The following DEUP1 variants were observed in gnomAD, a reference collection of about 807,000 sequenced individuals.
DEUP1 encodes the protein deuterosome assembly protein 1, also known as coiled-coil domain containing 67.
DEUP1 carries 82 observed loss-of-function variants against 87.4 expected under a neutral mutation model. The ratio of observed to expected loss-of-function variants is 0.94; its 90% CI spans 0.78 to 1.13. The LOEUF (loss-of-function observed/expected upper bound fraction) is 1.13, where lower values mean the gene tolerates loss of function less well. Ranked by LOEUF, DEUP1 falls within the 50% of genes most tolerant of loss-of-function variation. The pLI, the probability that DEUP1 is intolerant of heterozygous loss-of-function variation, is 0.00. For missense variants in DEUP1, 663 were observed against 681.5 expected (o/e 0.97, Z 0.30); for synonymous variants, 214 against 222.7 (o/e 0.96, Z 0.35).
chr11:93,409,173 A>C (rs1384199611), intron 12 of DEUP1, among the ~76,000 whole-genome samples: 1 of 152,164 alleles, frequency 6.6e-6, no homozygotes, highest in African/African-American at 2.4e-5. Context: ...TACACTTTCC[A>C]TTGACATTCT....
intron 3 of DEUP1, among the ~76,000 whole-genome samples, chr11:93,356,412 T>C (rs529982663): frequency 2.0e-5 from 3 of 152,324 alleles, no homozygotes; most frequent in South Asian, 2.1e-4. Context: ...AGCTTTTATA[T>C]GTATACTGAC....
chr11:93,358,449 T>C (rs1254224699), intron 4 of DEUP1, among the ~76,000 whole-genome samples: 1 of 152,126 alleles, frequency 6.6e-6, no homozygotes, highest in Admixed American at 6.5e-5. Flanking sequence ...AAGTTAAGAC[T>C]CCTCCCCTCC....
At chr11:93,379,009 T>G (rs1032887713) in intron 7 of DEUP1, among the ~76,000 whole-genome samples, 19 of 152,208 alleles carry the variant, frequency 1.2e-4, no homozygotes, top group Non-Finnish European at 2.4e-4. Flanking sequence ...TCAGGCTCAT[T>G]TTGCTCTGTT....
intron 9 of DEUP1, 136 bp downstream of exon 9, chr11:93,389,261 C>A (rs1409751558): frequency 3.2e-6 from 2 of 626,456 alleles, no homozygotes; most frequent in Admixed American, 6.8e-5. Context: ...ATCTACCAAG[C>A]TGCTAATTCC....
In DEUP1 at chr11:93,394,498, T is replaced by G. The variant is rs1156524184; in HGVS notation, c.1081T>G (p.Ser361Ala). 3.1e-6 allele frequency: 5 copies of G among 1,602,580 alleles called. No homozygotes were observed. Among genetic ancestry groups the G allele is most frequent in the Non-Finnish European group, 4.3e-6 (5 of 1,174,312 alleles). The change falls in exon 10 of 14, where the codon TCT (serine) becomes GCT (alanine). Residue 361 changes from serine (S) to alanine (A), a missense_variant. By Grantham distance (99) the Ser-to-Ala change is moderately conservative. Coordinates refer to ENST00000298050, the MANE Select transcript of DEUP1 (RefSeq NM_181645.4). ...CCAACAGGTGGAAGAGTACCATAACTCTGAGCAGGAAAGAATGAGGAATGA... is the reference window on the plus strand; with the variant it reads ...CCAACAGGTGGAAGAGTACCATAACGCTGAGCAGGAAAGAATGAGGAATGA... ...QLQQVEEYHN[S>A]EQERMRNEIS...
intron 13 of DEUP1, among the ~76,000 whole-genome samples, chr11:93,428,128 A>G (rs530146172): frequency 7.2e-5 from 11 of 152,328 alleles, no homozygotes; most frequent in African/African-American, 2.6e-4. Flanking sequence ...TCATGCTGCT[A>G]TAAAGACACA....
chr11:93,347,084 A>AT lies in DEUP1; in HGVS notation c.30-8286dup, dbSNP rs373042464. ...GCCAGGACTTCCAATACTATGTTGA[A>AT]TAGGAGTGGTGGGAGAGGGCATCCT... On this transcript the variant is annotated intron_variant, in intron 2 of 13. Transcript: ENST00000298050. Among the ~76,000 whole-genome samples the AT allele has an allele frequency of 7.5e-3, 1,144 of 152,258 alleles. 15 individuals carry two copies. Among genetic ancestry groups the AT allele is most frequent in the African/African-American group, 0.027 (1,103 of 41,548 alleles).
chr11:93,395,480 G>A (rs1946913889), intron 10 of DEUP1, among the ~76,000 whole-genome samples: 1 of 152,180 alleles, frequency 6.6e-6, no homozygotes. Flanking sequence ...CAGTACACAG[G>A]AAAACAGCAC....
chr11:93,414,045 A>G (rs1169299373), intron 12 of DEUP1, among the ~76,000 whole-genome samples: 3 of 152,204 alleles, frequency 2.0e-5, no homozygotes, highest in Non-Finnish European at 4.4e-5. Flanking sequence ...TGTTTTACAT[A>G]TATTAATCAT....
intron 9 of DEUP1, among the ~76,000 whole-genome samples, chr11:93,390,817 C>T (rs1946742213): frequency 6.6e-6 from 1 of 152,054 alleles, no homozygotes; most frequent in Admixed American, 6.5e-5. Flanking sequence ...GGCATGGTGG[C>T]TCACACCTGT....
chr11:93,387,037 AC>A (rs1418747177), intron 8 of DEUP1, among the ~76,000 whole-genome samples: 1 of 152,020 alleles, frequency 6.6e-6, no homozygotes, highest in Non-Finnish European at 1.5e-5. Flanking sequence ...GCCAGTAAAA[AC>A]TTTTTTGTTC....
chr11:93,431,971 G>T (rs1670928291), intron 13 of DEUP1, among the ~76,000 whole-genome samples: 1 of 152,186 alleles, frequency 6.6e-6, no homozygotes, highest in Non-Finnish European at 1.5e-5. Context: ...ACACCCAAAC[G>T]TAGACATTAA....
rs570150041 is a variant in DEUP1 at position 93,339,363 on chromosome 11, T to C, written c.29+7075T>C. On this transcript the variant is annotated intron_variant, in intron 2 of 13. Coordinates refer to ENST00000298050, the MANE Select transcript of DEUP1 (RefSeq NM_181645.4). ...ACAGCTAGGTGCACTATACAATCCA[T>C]GCAATGAAATGGTTTCCAAATTTTC... Among the ~76,000 whole-genome samples, 3 of 152,274 alleles carry C rather than the reference T, an allele frequency of 2.0e-5. No homozygotes were observed. The South Asian group carries it at 6.2e-4, about 32-fold the overall frequency.
At position 93,408,255 on chromosome 11, in the gene DEUP1, C is replaced by G. The variant is rs760402384; in HGVS notation, c.1351C>G (p.Gln451Glu). Residue 451 changes from glutamine to glutamate, a missense_variant, in exon 12 of 14, where the codon CAG becomes GAG. Physicochemically the swap from Gln to Glu is conservative, Grantham distance 29. Coordinates refer to ENST00000298050, the MANE Select transcript of DEUP1 (RefSeq NM_181645.4). ...GAGTATGGACTTCACTAACAGGGAA[C>G]AGTCAAGGCATACATCTATTAATAA... ...YMSMDFTNREQSRHTSINKLQ... is the reference protein window; with the variant it reads ...YMSMDFTNREESRHTSINKLQ... The G allele has an allele frequency of 7.6e-6, 12 of 1,577,012 alleles. No homozygotes were observed. Among genetic ancestry groups the G allele is most frequent in the African/African-American group, 4.1e-5 (3 of 73,914 alleles).
chr11:93,334,191 T>C (rs1420990897), intron 2 of DEUP1, among the ~76,000 whole-genome samples: 1 of 152,140 alleles, frequency 6.6e-6, no homozygotes, highest in Non-Finnish European at 1.5e-5. Context: ...CAGGTTGGCA[T>C]TGCCTCAGTC....
chr11:93,410,319 A>C (rs1947399282), intron 12 of DEUP1, among the ~76,000 whole-genome samples: 1 of 152,176 alleles, frequency 6.6e-6, no homozygotes, highest in South Asian at 2.1e-4. Flanking sequence ...GCAGGATAAA[A>C]GCAGTGTAGG....
chr11:93,405,185 G>C (rs2134405189), intron 11 of DEUP1, among the ~76,000 whole-genome samples: 1 of 151,746 alleles, frequency 6.6e-6, no homozygotes, highest in Middle Eastern at 3.4e-3. Flanking sequence ...GTCAAATTTT[G>C]AGTCTTATTC....
chr11:93,372,508 C>T (rs1373753676), intron 7 of DEUP1, among the ~76,000 whole-genome samples: 2 of 152,180 alleles, frequency 1.3e-5, no homozygotes, highest in African/African-American at 4.8e-5. Flanking sequence ...GCCAACTCCT[C>T]ATTCCCCCAC....
At chr11:93,360,024 C>T (rs749276547) in intron 4 of DEUP1, among the ~76,000 whole-genome samples, 13 of 152,100 alleles carry the variant, frequency 8.5e-5, no homozygotes, top group South Asian at 2.1e-4. Flanking sequence ...TGTCTACTCT[C>T]GGGTGGTATC....
Sources: gnomAD v4.1 joint callset for allele counts (sites outside exome capture counted in the v4.1 genomes callset) on GRCh38, gnomAD v4.1.1 for gene constraint, MANE v1.5 for transcripts, NCBI Gene and HGNC (gene_info 2026-07-23, HGNC 2026-07-21) for gene names.